Variants in LUC7L3 observed in about 807,000 individuals in gnomAD.
LUC7L3 encodes LUC7 like 3 pre-mRNA splicing factor, also known as luc7-like protein 3.
Under a neutral mutation model 66.8 loss-of-function variants are expected in LUC7L3, and 6 were observed. That is an observed-to-expected ratio of 0.09 (90% CI 0.05 to 0.18). The LOEUF is 0.18. Ranked by LOEUF, LUC7L3 falls within the 10% of genes least tolerant of loss-of-function variation. The probability of loss-of-function intolerance (pLI) is 1.00; values close to 1 mark genes in which losing one functional copy is unlikely to be tolerated. For synonymous variants in LUC7L3, 160 were observed against 174.7 expected (o/e 0.92, Z 0.66); for missense variants, 341 against 531.1 (o/e 0.64, Z 3.52).
In LUC7L3 at chr17:50,752,325, T is replaced by A. The variant is rs1971014512; in HGVS notation, c.*1664T>A. The A allele has an allele frequency of 5.2e-6, 4 of 765,232 alleles. No homozygotes were observed. Among genetic ancestry groups the A allele is most frequent in the Non-Finnish European group, 7.2e-6 (4 of 554,054 alleles). The allele number at this position is 765,232 out of a possible 1,614,324, so 47.4% of individuals were successfully genotyped here. A position where few individuals can be genotyped will look rare whatever the true frequency, so the allele number is the denominator to read the frequency against. On this transcript the variant is annotated 3_prime_UTR_variant, in exon 10 of 10. Transcript: ENST00000505658. ...AAGTATAAAGCTCAGTTAGTTTTTT[T>A]ATTATTATTATTATTAAAAGTTAAT...
intron 9 of LUC7L3, chr17:50,749,250 A>G (rs1410130249): frequency 7.8e-7 from 1 of 1,289,088 alleles, no homozygotes; most frequent in South Asian, 1.2e-5. Context: ...ACTGACTACT[A>G]GTCCTCTACG....
At position 50,756,072 on chromosome 17, in the gene LUC7L3, T is replaced by C. The variant is rs1461420005; in HGVS notation, c.*5411T>C. The C allele has an allele frequency of 2.0e-5, 3 of 152,010 alleles. No homozygotes were observed. In the South Asian group the frequency reaches 6.2e-4, roughly 32 times the overall value. The allele number at this position is 152,010 out of a possible 1,614,324, so 9.4% of individuals were successfully genotyped here. A position where few individuals can be genotyped will look rare whatever the true frequency, so the allele number is the denominator to read the frequency against. ...TTAGCCGTTTTGATGGAGGGAGAGG[T>C]GATCATGAGGGCACAGGGGTCTTCA... On this transcript the variant is annotated 3_prime_UTR_variant, in exon 10 of 10. Transcript: ENST00000505658.
rs1772554249 is a variant in LUC7L3, at chr17:50,755,901, A to G, written c.*5240A>G. On this transcript the variant is annotated 3_prime_UTR_variant, in exon 10 of 10. Transcript: ENST00000505658. ...AAGTGAAACTGAACTGCAGCTGTGTATGTGAACATGGACAAAACTCAACAA... is the reference window on the plus strand; with the variant it reads ...AAGTGAAACTGAACTGCAGCTGTGTGTGTGAACATGGACAAAACTCAACAA... The G allele has an allele frequency of 1.3e-5, 2 of 152,280 alleles. No homozygotes were observed. The allele number at this position is 152,280 out of a possible 1,614,324, so 9.4% of individuals were successfully genotyped here.
At chr17:50,721,583 A>G (rs1327405860) in intron 1 of LUC7L3, among the ~76,000 whole-genome samples, 2 of 152,266 alleles carry the variant, frequency 1.3e-5, no homozygotes, top group Non-Finnish European at 2.9e-5. Context: ...AGTTACTGGC[A>G]TTTCAGATTG....
chr17:50,740,112 T>C (rs372043770), intron 2 of LUC7L3, among the ~76,000 whole-genome samples, 194 bp from the exon 3 acceptor site: 2 of 152,200 alleles, frequency 1.3e-5, no homozygotes, highest in African/African-American at 4.8e-5. Context: ...CTTTGAAGAC[T>C]GAGCAGATCA....
rs1971097457 is a variant in LUC7L3, at chr17:50,755,737, C to T, written c.*5076C>T. The T allele has an allele frequency of 6.6e-6, 1 of 152,160 alleles. No individual in the cohort carries two copies. The highest frequency in any genetic ancestry group is 2.4e-5 in the African/African-American group (1 of 41,430). The allele number at this position is 152,160 out of a possible 1,614,324, so 9.4% of individuals were successfully genotyped here. The stretch of plus-strand genomic sequence containing the variant: ...GATACATACCCTAGAGAAACTCTTA[C>T]ACATGCGTACCAGGGGATGGATTTA... On this transcript the variant is annotated 3_prime_UTR_variant, in exon 10 of 10. Transcript: ENST00000505658.
At chr17:50,742,481 C>A (rs1970412487) in intron 5 of LUC7L3, among the ~76,000 whole-genome samples, 1 of 152,186 alleles carries the variant, frequency 6.6e-6, no homozygotes, top group East Asian at 1.9e-4. Flanking sequence ...GCCTCAGCCT[C>A]CCGAGTAGCT....
intron 2 of LUC7L3, 69 bp from the exon 3 acceptor site, chr17:50,740,236 TC>T (rs1217385288): frequency 1.4e-4 from 148 of 1,079,560 alleles, no homozygotes; most frequent in African/African-American, 1.2e-3. Flanking sequence ...GAAAAATAAC[TC>T]TTTTTTTTTG....
intron 1 of LUC7L3, among the ~76,000 whole-genome samples, chr17:50,732,456 A>G (rs1476724263): frequency 6.6e-6 from 1 of 151,984 alleles, no homozygotes; most frequent in East Asian, 1.9e-4. Flanking sequence ...ATCACCACTC[A>G]CTGCAGCCTC....
At position 50,719,845 on chromosome 17, in the gene LUC7L3, G is replaced by GC. The variant is rs751633695; in HGVS notation, c.99+16dup. The GC allele has an allele frequency of 4.1e-6, 6 of 1,451,732 alleles. No individual in the cohort carries two copies. The African/African-American group carries it at 9.1e-5, about 22-fold the overall frequency. 89.9% of individuals were successfully genotyped at this position (1,451,732 alleles called of 1,614,324 possible). ...GACCACGAGAGCGTAAGTCCCGCGG[G>GC]CCTTGGCCTGAGCCCGGGCTCCGTG... On this transcript the variant is annotated intron_variant, in intron 1 of 9. Coordinates refer to ENST00000505658, the MANE Select transcript of LUC7L3 (RefSeq NM_016424.5).
chr17:50,725,682 A>AT (rs1969134069), intron 1 of LUC7L3, among the ~76,000 whole-genome samples: 1 of 152,182 alleles, frequency 6.6e-6, no homozygotes, highest in Non-Finnish European at 1.5e-5. Flanking sequence ...ATATTGGAAC[A>AT]TTTTTTGGAG....
rs1971047858 is a variant in LUC7L3, at chr17:50,753,165, TTCTA to T, written c.*2510_*2513del. ...ACATCTAGGAAAACCGGCAGCATGT[TTCTA>T]TCTATAGCCAGCTTCTTCGACTGTA... On this transcript the variant is annotated 3_prime_UTR_variant, in exon 10 of 10. Transcript: ENST00000505658. The T allele has an allele frequency of 6.6e-6, 1 of 152,420 alleles. No individual in the cohort carries two copies. The highest frequency in any genetic ancestry group is 1.5e-5 in the Non-Finnish European group (1 of 68,052). The allele number at this position is 152,420 out of a possible 1,614,324, so 9.4% of individuals were successfully genotyped here.
At chr17:50,729,772 T>C (rs370125744) in intron 1 of LUC7L3, among the ~76,000 whole-genome samples, 10 of 152,066 alleles carry the variant, frequency 6.6e-5, no homozygotes, top group African/African-American at 2.2e-4. Flanking sequence ...ACTTACTGTA[T>C]ATAGTAATTA....
At chr17:50,739,222 A>C (rs1970189087) in intron 2 of LUC7L3, among the ~76,000 whole-genome samples, 2 of 152,218 alleles carry the variant, frequency 1.3e-5, no homozygotes, top group Admixed American at 6.5e-5. Context: ...TGAGCTTAGA[A>C]AATAAGTATC....
chr17:50,733,943 A>G (rs1378393932), intron 1 of LUC7L3, among the ~76,000 whole-genome samples: 1 of 152,216 alleles, frequency 6.6e-6, no homozygotes, highest in African/African-American at 2.4e-5. Flanking sequence ...AGAAATGTTT[A>G]TAAAAATCGA....
intron 1 of LUC7L3, among the ~76,000 whole-genome samples, chr17:50,731,753 G>A (rs933933206): frequency 1.3e-5 from 2 of 152,184 alleles, no homozygotes; most frequent in African/African-American, 4.8e-5. Flanking sequence ...GATGCTGTCA[G>A]GGCAGGTCAT....
chr17:50,741,026 C>G lies in LUC7L3; in HGVS notation c.207-76C>G. ...AGCCTAAATGGAATAGTCGTTGAGG[C>G]TAGTTAAGATAGAATATTTGAGTTG... On this transcript the variant is annotated intron_variant, in intron 3 of 9. Transcript: ENST00000505658. 4 of 1,403,914 alleles carry G rather than the reference C, an allele frequency of 2.8e-6. No homozygotes were observed. The East Asian group carries it at 9.1e-5, about 32-fold the overall frequency. 87.0% of individuals were successfully genotyped at this position (1,403,914 alleles called of 1,614,324 possible).
intron 7 of LUC7L3, 33 bp from the exon 8 acceptor site, chr17:50,745,687 C>T (rs1368555200): frequency 1.3e-6 from 2 of 1,543,494 alleles, no homozygotes; most frequent in East Asian, 2.2e-5. Context: ...TTTAAAGTTA[C>T]ATTTGCATAA....
At chr17:50,734,469 T>C (rs1324458010) in intron 1 of LUC7L3, among the ~76,000 whole-genome samples, 1 of 151,984 alleles carries the variant, frequency 6.6e-6, no homozygotes, top group African/African-American at 2.4e-5. Context: ...GCCCAGCCTT[T>C]AAAACTTTTA....
Sources: allele counts gnomAD v4.1 joint callset (sites outside exome capture counted in the v4.1 genomes callset), GRCh38; gene constraint gnomAD v4.1.1; transcripts MANE v1.5; gene names NCBI Gene and HGNC (gene_info 2026-07-23, HGNC 2026-07-21).